Variants in PTPRG observed in about 807,000 individuals in gnomAD.
The protein encoded by PTPRG is protein tyrosine phosphatase receptor type G, also known as receptor-type tyrosine-protein phosphatase gamma.
PTPRG carries 102 observed loss-of-function variants against 165.3 expected under a neutral mutation model. The observed-to-expected ratio is 0.62, with a 90% confidence interval of 0.53 to 0.73. PTPRG has a LOEUF of 0.73. PTPRG is among the 30% of genes least tolerant of loss of function. The pLI is 0.00. For synonymous variants in PTPRG, 675 were observed against 669.5 expected (o/e 1.01, Z -0.13); for missense variants, 1,866 against 1,861.4 (o/e 1.00, Z -0.05).
At chr3:61,817,193 TATATATA>T (rs2035809680) in intron 2 of PTPRG, among the ~76,000 whole-genome samples, 1 of 78,948 alleles carries the variant, frequency 1.3e-5, no homozygotes, top group African/African-American at 5.7e-5. Context: ...TATAAAATAA[TATATATA>T]ATAATATAAT....
At chr3:61,749,193 C>T (rs2106916417) in intron 2 of PTPRG, 1 of 665,850 alleles carries the variant, frequency 1.5e-6, no homozygotes, top group Non-Finnish European at 2.7e-6. Flanking sequence ...AACCTGTTTT[C>T]CCCTCAATTT....
At chr3:61,636,930 T>C (rs1701925741) in intron 1 of PTPRG, among the ~76,000 whole-genome samples, 1 of 152,190 alleles carries the variant, frequency 6.6e-6, no homozygotes, top group African/African-American at 2.4e-5. Context: ...GATTCTTTGA[T>C]TGATCATATG....
intron 6 of PTPRG, among the ~76,000 whole-genome samples, chr3:62,140,506 A>G (rs918772255): frequency 6.6e-6 from 1 of 152,156 alleles, no homozygotes; most frequent in Non-Finnish European, 1.5e-5. Context: ...AAAGTGTGAG[A>G]ACAGGTCCAT....
intron 2 of PTPRG, among the ~76,000 whole-genome samples, chr3:61,812,577 G>T (rs1338204603): frequency 6.6e-6 from 1 of 152,146 alleles, no homozygotes; most frequent in Non-Finnish European, 1.5e-5. Context: ...GGATGCCTTT[G>T]CTCACCAAAA....
At chr3:62,270,975 G>A (rs1702041378) in intron 20 of PTPRG, among the ~76,000 whole-genome samples, 1 of 152,050 alleles carries the variant, frequency 6.6e-6, no homozygotes, top group Non-Finnish European at 1.5e-5. Flanking sequence ...GCTCCTAAAG[G>A]TCCAGCCTGG....
At position 62,036,171 on chromosome 3, in the gene PTPRG, G is replaced by C. The variant is rs1044632275; in HGVS notation, c.519+32674G>C. ...AAGTACTTTGGAAAAATACAGCATA[G>C]GTTAAGGGAAATAAGCTGAGCCAGA... On this transcript the variant is annotated intron_variant, in intron 4 of 29. Coordinates refer to ENST00000474889, the MANE Select transcript of PTPRG (RefSeq NM_002841.4). Among the ~76,000 whole-genome samples the C allele has an allele frequency of 2.6e-5, 4 of 152,142 alleles. No individual in the cohort carries two copies. In the East Asian group the frequency reaches 7.7e-4, roughly 29 times the overall value.
intron 2 of PTPRG, among the ~76,000 whole-genome samples, chr3:61,880,618 G>A (rs1338540304): frequency 1.9e-5 from 2 of 103,958 alleles, no homozygotes; most frequent in Non-Finnish European, 3.5e-5. Flanking sequence ...CGCGAACCCT[G>A]TCTCAAAAAA....
At chr3:61,990,233 T>C (rs918302758) in intron 3 of PTPRG, among the ~76,000 whole-genome samples, 1 of 152,176 alleles carries the variant, frequency 6.6e-6, no homozygotes, top group African/African-American at 2.4e-5. Context: ...ATCTGCCACA[T>C]ACGGCTAGTG....
At chr3:62,101,984 T>C (rs1702304216) in intron 5 of PTPRG, among the ~76,000 whole-genome samples, 1 of 152,202 alleles carries the variant, frequency 6.6e-6, no homozygotes, top group African/African-American at 2.4e-5. Flanking sequence ...TAAGTTATCA[T>C]TGAGAATGGA....
At chr3:61,883,419 G>A (rs549285802) in intron 2 of PTPRG, among the ~76,000 whole-genome samples, 1 of 152,142 alleles carries the variant, frequency 6.6e-6, no homozygotes, top group East Asian at 1.9e-4. Flanking sequence ...ACTTTTCCTG[G>A]ATTGTTCCAG....
intron 2 of PTPRG, among the ~76,000 whole-genome samples, chr3:61,888,762 A>G (rs1414316335): frequency 1.3e-5 from 2 of 152,160 alleles, no homozygotes; most frequent in African/African-American, 4.8e-5. Context: ...TTCCTATTAT[A>G]GGAGATTTCT....
rs372050925 is a variant in PTPRG, at chr3:61,722,300, T to A, written c.86-26578T>A. 2.0e-5 allele frequency among the ~76,000 whole-genome samples: 3 copies of A among 152,098 alleles called. No homozygotes were observed. The East Asian group carries it at 5.8e-4, about 29-fold the overall frequency. On this transcript the variant is annotated intron_variant, in intron 1 of 29. Coordinates refer to ENST00000474889, the MANE Select transcript of PTPRG (RefSeq NM_002841.4). ...TATAATGAACTCTCTCCCTTCATAA[T>A]CCATTCATGAGGCTGATGCCCCCGT...
At chr3:62,046,343 T>C (rs1700291811) in intron 4 of PTPRG, among the ~76,000 whole-genome samples, 1 of 152,222 alleles carries the variant, frequency 6.6e-6, no homozygotes, top group Non-Finnish European at 1.5e-5. Context: ...CAGGATTTCT[T>C]CTGTTTTTCT....
intron 1 of PTPRG, among the ~76,000 whole-genome samples, chr3:61,582,465 G>A (rs911100990): frequency 8.5e-5 from 13 of 152,184 alleles, no homozygotes; most frequent in Non-Finnish European, 1.8e-4. Flanking sequence ...GGGGGGAATG[G>A]GGACAGCATG....
At chr3:61,998,237 C>T (rs970687605) in intron 3 of PTPRG, among the ~76,000 whole-genome samples, 2 of 152,156 alleles carry the variant, frequency 1.3e-5, no homozygotes, top group Non-Finnish European at 1.5e-5. Flanking sequence ...TGTGACCTGA[C>T]CCACGCTTTG....
At chr3:61,767,971 CAAAAAAAA>C (rs35466366) in intron 2 of PTPRG, among the ~76,000 whole-genome samples, 1 of 104,186 alleles carries the variant, frequency 9.6e-6, no homozygotes, top group Admixed American at 1.1e-4. Context: ...GACCCTGTCT[CAAAAAAAA>C]AAAAAAAAAA....
intron 25 of PTPRG, 90 bp downstream of exon 25, chr3:62,277,138 G>A: frequency 2.0e-6 from 2 of 1,003,866 alleles, no homozygotes; most frequent in Non-Finnish European, 3.0e-6. Flanking sequence ...TGTCATTTTT[G>A]AAATAATTTC....
chr3:61,869,556 A>ACCCTC (rs777017270), intron 2 of PTPRG, among the ~76,000 whole-genome samples: 15 of 142,432 alleles, frequency 1.1e-4, no homozygotes, highest in Non-Finnish European at 1.7e-4. Context: ...CCATTCATTA[A>ACCCTC]CCCTCCCCTC....
intron 1 of PTPRG, among the ~76,000 whole-genome samples, chr3:61,670,246 G>C (rs75470449): frequency 6.6e-6 from 1 of 152,206 alleles, no homozygotes; most frequent in Non-Finnish European, 1.5e-5. Flanking sequence ...AACTTGGGAA[G>C]ACCCAGGAGG....
Sources: gnomAD v4.1 joint callset for allele counts (sites outside exome capture counted in the v4.1 genomes callset) on GRCh38, gnomAD v4.1.1 for gene constraint, MANE v1.5 for transcripts, NCBI Gene and HGNC (gene_info 2026-07-23, HGNC 2026-07-21) for gene names.